The following ENOX1 variants were observed in gnomAD, a reference collection of about 807,000 sequenced individuals.
The protein encoded by ENOX1 is candidate growth-related and time keeping constitutive hydroquinone (NADH) oxidase.
A neutral mutation model predicts 82.5 loss-of-function variants in ENOX1; 42 were observed. The ratio of observed to expected loss-of-function variants is 0.51; its 90% CI spans 0.40 to 0.66. The LOEUF is 0.66. Ranked by LOEUF, ENOX1 falls within the 30% of genes least tolerant of loss-of-function variation. ENOX1 has a pLI of 0.00. For missense variants in ENOX1, 608 were observed against 811.6 expected (o/e 0.75, Z 3.05); for synonymous variants, 271 against 282.2 (o/e 0.96, Z 0.40).
intron 2 of ENOX1, among the ~76,000 whole-genome samples, chr13:43,581,409 G>C (rs1343316797): frequency 6.6e-6 from 1 of 152,040 alleles, no homozygotes; most frequent in Non-Finnish European, 1.5e-5. Flanking sequence ...TGGGATTACA[G>C]GCGTGAGCCA....
intron 10 of ENOX1, among the ~76,000 whole-genome samples, chr13:43,323,308 G>A (rs982192224): frequency 1.3e-5 from 2 of 152,178 alleles, no homozygotes; most frequent in East Asian, 3.9e-4. Context: ...ACATAATTTA[G>A]AGCCACAGAT....
At chr13:43,218,570 G>A (rs946252151) in intron 16 of ENOX1, among the ~76,000 whole-genome samples, 9 of 152,162 alleles carry the variant, frequency 5.9e-5, no homozygotes, top group Admixed American at 6.5e-5. Flanking sequence ...AGCCTGCAGT[G>A]AGCTGTGATT....
At chr13:43,742,640 C>A (rs1272898590) in intron 1 of ENOX1, among the ~76,000 whole-genome samples, 1 of 152,186 alleles carries the variant, frequency 6.6e-6, no homozygotes, top group Non-Finnish European at 1.5e-5. Flanking sequence ...GTTATCTGGG[C>A]ATTCTTTGGC....
At chr13:43,521,607 C>T (rs945397751) in intron 2 of ENOX1, among the ~76,000 whole-genome samples, 2 of 152,126 alleles carry the variant, frequency 1.3e-5, no homozygotes, top group African/African-American at 4.8e-5. Context: ...TCATGTCCTT[C>T]CCCCTAAAAA....
At chr13:43,324,603 A>G (rs753893504) in intron 10 of ENOX1, among the ~76,000 whole-genome samples, 32 of 152,324 alleles carry the variant, frequency 2.1e-4, no homozygotes, top group Non-Finnish European at 3.7e-4. Context: ...CTAATTTAGA[A>G]TTCTGTGGCC....
At position 43,356,082 on chromosome 13, in the gene ENOX1, C is replaced by T; in HGVS notation, c.660G>A (p.Gln220=). 1 of 1,614,182 alleles carries T rather than the reference C, an allele frequency of 6.2e-7. No individual in the cohort carries two copies. Among genetic ancestry groups the T allele is most frequent in the South Asian group, 1.1e-5 (1 of 91,080 alleles). Residue 220 remains glutamine (Q), a synonymous_variant, in exon 8 of 17, where the codon CAG becomes CAA. Coordinates refer to ENST00000690772, the MANE Select transcript of ENOX1 (RefSeq NM_001347969.2). ...DSGRLHVDFA[Q]ARDDFYEWEC... is the part of the protein sequence containing the mutation. Reference sequence around the variant, plus strand: ...CCCACTCATAGAAGTCATCCCTGGCCTGGGCAAAGTCCACATGAAGGCGGC... The same window carrying T: ...CCCACTCATAGAAGTCATCCCTGGCTTGGGCAAAGTCCACATGAAGGCGGC...
intron 3 of ENOX1, among the ~76,000 whole-genome samples, chr13:43,446,148 G>C (rs2056639043): frequency 6.6e-6 from 1 of 151,698 alleles, no homozygotes; most frequent in Non-Finnish European, 1.5e-5. Context: ...CTTCCTTCTT[G>C]TGGGTTTGTC....
chr13:43,594,126 C>T (rs571891769), intron 2 of ENOX1, among the ~76,000 whole-genome samples: 3 of 152,288 alleles, frequency 2.0e-5, no homozygotes, highest in East Asian at 3.9e-4. Context: ...TCCAGAGATA[C>T]TAGCAAGGAA....
chr13:43,348,176 C>T (rs747723036), intron 8 of ENOX1, among the ~76,000 whole-genome samples: 1 of 152,108 alleles, frequency 6.6e-6, no homozygotes, highest in Non-Finnish European at 1.5e-5. Flanking sequence ...GCGTAAGTGC[C>T]CTTTAATAAA....
chr13:43,288,407 A>C lies in ENOX1; in HGVS notation c.1446+9939T>G, dbSNP rs189115121. Among the ~76,000 whole-genome samples, 347 of 152,330 alleles carry C rather than the reference A, an allele frequency of 2.3e-3. 2 individuals carry two copies. The highest frequency in any genetic ancestry group is 8.0e-3 in the African/African-American group (334 of 41,574). On this transcript the variant is annotated intron_variant, in intron 12 of 16. Transcript: ENST00000690772. ...AATCTGGGTTGTCGAAGAATCAGATAAACATGGGGTATGTCTTTGCAGCCA... is the reference window on the plus strand; with the variant it reads ...AATCTGGGTTGTCGAAGAATCAGATCAACATGGGGTATGTCTTTGCAGCCA...
At position 43,630,498 on chromosome 13, in the gene ENOX1, A is replaced by C. The variant is rs556319290; in HGVS notation, c.-219+36981T>G. Among the ~76,000 whole-genome samples, 141 of 152,252 alleles carry C rather than the reference A, an allele frequency of 9.3e-4. 1 individual carries two copies. In the South Asian group the frequency reaches 1.0e-2, roughly 11 times the overall value. On this transcript the variant is annotated intron_variant, in intron 2 of 16. Transcript: ENST00000690772. ...AATTAAAGCTTATTGCCATTAATAC[A>C]CAGTCCCCAGAAGGGTTTTTGTTGG...
At position 43,213,889 on chromosome 13, in the gene ENOX1, A is replaced by T; in HGVS notation, c.*101T>A. 15 of 1,351,430 alleles carry T rather than the reference A, an allele frequency of 1.1e-5. No homozygotes were observed. Among genetic ancestry groups the T allele is most frequent in the Non-Finnish European group, 1.5e-5 (15 of 1,003,232 alleles). 83.7% of individuals were successfully genotyped at this position (1,351,430 alleles called of 1,614,324 possible). On this transcript the variant is annotated 3_prime_UTR_variant, in exon 17 of 17. Coordinates refer to ENST00000690772, the MANE Select transcript of ENOX1 (RefSeq NM_001347969.2). ...AAGGCAGGCTTCGATGGCTCCACAA[A>T]GGTTGCGTGCTGGACCAACCCCACA... is the stretch of plus-strand genomic sequence containing the variant.
intron 2 of ENOX1, among the ~76,000 whole-genome samples, chr13:43,502,992 G>T (rs2077035537): frequency 6.6e-6 from 1 of 151,538 alleles, no homozygotes; most frequent in Admixed American, 6.6e-5. Flanking sequence ...CACACAGAAA[G>T]TGTTATAAAT....
chr13:43,666,570 G>A lies in ENOX1; in HGVS notation c.-219+909C>T, dbSNP rs147697060. The stretch of plus-strand genomic sequence containing the variant: ...GCCAGAAGGTAGAAGAAAGGCCTGC[G>A]ACAGATTCTCCCTCACGGCCTAGAA... On this transcript the variant is annotated intron_variant, in intron 2 of 16. Transcript: ENST00000690772. Among the ~76,000 whole-genome samples, 16 of 152,256 alleles carry A rather than the reference G, an allele frequency of 1.1e-4. No individual in the cohort carries two copies. The East Asian group carries it at 2.7e-3, about 26-fold the overall frequency.
intron 15 of ENOX1, among the ~76,000 whole-genome samples, chr13:43,231,948 AG>A (rs756149540): frequency 6.6e-6 from 1 of 152,036 alleles, no homozygotes; most frequent in Non-Finnish European, 1.5e-5. Context: ...CTTTTTTGAC[AG>A]GGTCTCACTC....
chr13:43,352,544 T>C (rs543101018), intron 8 of ENOX1, among the ~76,000 whole-genome samples: 16 of 152,358 alleles, frequency 1.1e-4, no homozygotes, highest in African/African-American at 3.8e-4. Flanking sequence ...AATTATGGTG[T>C]TATTGAGCTC....
chr13:43,653,003 G>A (rs2084265008), intron 2 of ENOX1, among the ~76,000 whole-genome samples: 1 of 152,210 alleles, frequency 6.6e-6, no homozygotes, highest in Admixed American at 6.5e-5. Flanking sequence ...AAGGATGGAT[G>A]GCTGTGTTTT....
chr13:43,640,307 C>T (rs1464342313), intron 2 of ENOX1, among the ~76,000 whole-genome samples: 1 of 152,128 alleles, frequency 6.6e-6, no homozygotes, highest in Non-Finnish European at 1.5e-5. Context: ...CTCCTCAATT[C>T]CAGGATGCAT....
At chr13:43,283,445 TTTTG>T (rs774638575) in intron 12 of ENOX1, among the ~76,000 whole-genome samples, 1 of 152,020 alleles carries the variant, frequency 6.6e-6, no homozygotes, top group African/African-American at 2.4e-5. Flanking sequence ...GTTTATTATT[TTTTG>T]TTTGTTTATT....
Sources: allele counts gnomAD v4.1 joint callset (sites outside exome capture counted in the v4.1 genomes callset), GRCh38; gene constraint gnomAD v4.1.1; transcripts MANE v1.5; gene names NCBI Gene and HGNC (gene_info 2026-07-23, HGNC 2026-07-21).